Variants in KAZN observed in about 807,000 individuals in gnomAD.
KAZN encodes the protein kazrin, periplakin interacting protein, also known as kazrin.
KAZN carries 40 observed loss-of-function variants against 87.4 expected under a neutral mutation model. That is an observed-to-expected ratio of 0.46 (90% CI 0.36 to 0.60). KAZN has a LOEUF of 0.60. KAZN is among the 20% of genes least tolerant of loss of function. The pLI is 0.00. For missense variants in KAZN, 898 were observed against 1,073.9 expected (o/e 0.84, Z 2.29); for synonymous variants, 466 against 458.3 (o/e 1.02, Z -0.22).
chr1:14,014,490 G>A (rs1640471337), intron 1 of KAZN, among the ~76,000 whole-genome samples: 1 of 151,990 alleles, frequency 6.6e-6, no homozygotes, highest in African/African-American at 2.4e-5. Flanking sequence ...ATTTCAGAAG[G>A]CATAGAACAA....
intron 1 of KAZN, among the ~76,000 whole-genome samples, chr1:14,696,862 G>A (rs966327920): frequency 6.6e-6 from 1 of 152,180 alleles, no homozygotes; most frequent in Non-Finnish European, 1.5e-5. Context: ...CCTAGAACTG[G>A]CAGGAGAGAA....
chr1:14,625,984 A>G (rs1436566137), intron 1 of KAZN, among the ~76,000 whole-genome samples: 1 of 152,164 alleles, frequency 6.6e-6, no homozygotes, highest in Non-Finnish European at 1.5e-5. Context: ...GGGATATTTG[A>G]TATGTCGTGC....
intron 2 of KAZN, among the ~76,000 whole-genome samples, chr1:14,574,716 G>C (rs1313633993): frequency 6.6e-6 from 1 of 152,152 alleles, no homozygotes; most frequent in African/African-American, 2.4e-5. Flanking sequence ...AGCACCTGCT[G>C]TTGGCCAAGC....
At chr1:14,562,648 G>C (rs1674325283) in intron 2 of KAZN, among the ~76,000 whole-genome samples, 1 of 152,154 alleles carries the variant, frequency 6.6e-6, no homozygotes, top group African/African-American at 2.4e-5. Context: ...ACCATGAGAT[G>C]GTGAAACATG....
intron 1 of KAZN, among the ~76,000 whole-genome samples, chr1:14,629,249 G>A (rs751614608): frequency 6.6e-6 from 1 of 152,172 alleles, no homozygotes; most frequent in South Asian, 2.1e-4. Flanking sequence ...TGGGGTTGGC[G>A]TGTGTTTATT....
Position 14,300,418 on chromosome 1 carries a change from G to C in KAZN, c.249+119826G>C, listed in dbSNP as rs928069667. Among the ~76,000 whole-genome samples the C allele has an allele frequency of 4.1e-4, 63 of 152,044 alleles. 1 individual carries two copies. The highest frequency in any genetic ancestry group is 2.9e-3 in the Admixed American group (44 of 15,254). On this transcript the variant is annotated intron_variant, in intron 2 of 16. Coordinates refer to the KAZN transcript ENST00000636203. Reference sequence around the variant, plus strand: ...TGCTAATTGTTGAATTTTCTGTAGAGATGAGGTCTCCCTATGTTGCCCAGC... The same window carrying C: ...TGCTAATTGTTGAATTTTCTGTAGACATGAGGTCTCCCTATGTTGCCCAGC...
intron 1 of KAZN, among the ~76,000 whole-genome samples, chr1:14,170,730 T>TG (rs1435446400): frequency 6.7e-6 from 1 of 148,424 alleles, no homozygotes; most frequent in Non-Finnish European, 1.5e-5. Context: ...CTGTAATTAT[T>TG]TTTTTTTCTG....
intron 1 of KAZN, among the ~76,000 whole-genome samples, chr1:14,025,011 C>T (rs1290494975): frequency 6.6e-6 from 1 of 152,188 alleles, no homozygotes; most frequent in East Asian, 1.9e-4. Context: ...TAGGTCAGAT[C>T]AAAGCACATC....
chr1:14,902,306 A>G (rs1331718728), intron 1 of KAZN, among the ~76,000 whole-genome samples: 2 of 151,870 alleles, frequency 1.3e-5, no homozygotes, highest in Non-Finnish European at 2.9e-5. Flanking sequence ...GCTCACAGCA[A>G]GCTCCGCCTC....
At chr1:14,515,463 A>G (rs79991823) in intron 2 of KAZN, among the ~76,000 whole-genome samples, 6,074 of 152,278 alleles carry the variant, frequency 0.04, 396 homozygotes, top group African/African-American at 0.14. Flanking sequence ...GTATGTGGGA[A>G]CCACACAGGC....
At chr1:14,972,705 G>T (rs1457155604) in intron 2 of KAZN, among the ~76,000 whole-genome samples, 1 of 151,932 alleles carries the variant, frequency 6.6e-6, no homozygotes, top group Admixed American at 6.6e-5. Context: ...AGTAGAGACG[G>T]GGTTTCACCA....
intron 1 of KAZN, among the ~76,000 whole-genome samples, chr1:14,918,533 G>A (rs569643464): frequency 2.5e-4 from 38 of 151,566 alleles, no homozygotes; most frequent in African/African-American, 7.5e-4. Flanking sequence ...AAAATTAGCC[G>A]GACGTGGTAG....
In KAZN at chr1:14,107,679, A is replaced by G. The variant is rs143350505; in HGVS notation, c.92-72756A>G. 1.0e-3 allele frequency among the ~76,000 whole-genome samples: 152 copies of G among 152,328 alleles called. 1 individual carries two copies. Among genetic ancestry groups the G allele is most frequent in the African/African-American group, 3.4e-3 (142 of 41,588 alleles). On this transcript the variant is annotated intron_variant, in intron 1 of 16. Coordinates refer to the KAZN transcript ENST00000636203. ...GGGATGAGTCTACTTATGATGCTGC[A>G]GTGGAGATCCTATGAGATAGGGTGG...
intron 2 of KAZN, among the ~76,000 whole-genome samples, chr1:14,235,340 CAAAGT>C (rs1367837960): frequency 2.6e-5 from 4 of 152,202 alleles, no homozygotes; most frequent in Admixed American, 6.5e-5. Flanking sequence ...CAACATTACA[CAAAGT>C]AAAAGAAGCA....
intron 1 of KAZN, among the ~76,000 whole-genome samples, chr1:14,611,816 A>G (rs1265948412): frequency 1.3e-5 from 2 of 152,200 alleles, no homozygotes; most frequent in African/African-American, 4.8e-5. Context: ...TGTGGCTTCA[A>G]TAGTGGAGCT....
chr1:14,573,652 A>G (rs564008473), intron 2 of KAZN, among the ~76,000 whole-genome samples: 1 of 152,192 alleles, frequency 6.6e-6, no homozygotes, highest in African/African-American at 2.4e-5. Context: ...GTCTCAAAAA[A>G]TTTTTTAAAA....
chr1:14,475,137 TGATGGATG>T (rs538602227), intron 2 of KAZN, among the ~76,000 whole-genome samples: 16 of 151,700 alleles, frequency 1.1e-4, no homozygotes, highest in East Asian at 7.8e-4. Flanking sequence ...GATATTGAAT[TGATGGATG>T]GATGGATGGA....
At chr1:14,724,373 T>C (rs1643278573) in intron 1 of KAZN, among the ~76,000 whole-genome samples, 1 of 152,204 alleles carries the variant, frequency 6.6e-6, no homozygotes, top group Non-Finnish European at 1.5e-5. Context: ...CAGATGCGTC[T>C]GCGGGAGAGC....
At chr1:14,079,245 T>G (rs892680574) in intron 1 of KAZN, among the ~76,000 whole-genome samples, 1 of 152,234 alleles carries the variant, frequency 6.6e-6, no homozygotes, top group Non-Finnish European at 1.5e-5. Flanking sequence ...GCCAGGCTCT[T>G]TAACTCTTTT....
Sources: gnomAD v4.1 joint callset for allele counts (sites outside exome capture counted in the v4.1 genomes callset) on GRCh38, gnomAD v4.1.1 for gene constraint, MANE v1.5 for transcripts, NCBI Gene and HGNC (gene_info 2026-07-23, HGNC 2026-07-21) for gene names.